The following RNF4 variants were observed in gnomAD, a reference collection of about 807,000 sequenced individuals.
RNF4 encodes the protein E3 ubiquitin-protein ligase RNF4.
A neutral mutation model predicts 24.3 loss-of-function variants in RNF4; 7 were observed. That is an observed-to-expected ratio of 0.29 (90% CI 0.16 to 0.54). The LOEUF is 0.54. RNF4 is among the 20% of genes least tolerant of loss of function. The pLI is 0.95. For missense variants in RNF4, 209 were observed against 248.5 expected, an observed-to-expected ratio of 0.84 and a Z score of 1.07; for synonymous variants, 83 against 84.3, an observed-to-expected ratio of 0.98 and a Z score of 0.09.
intron 4 of RNF4, among the ~76,000 whole-genome samples, chr4:2,508,344 A>G (rs1478328771): frequency 2.6e-5 from 4 of 152,192 alleles, no homozygotes; most frequent in Non-Finnish European, 4.4e-5. Flanking sequence ...GCATTTATGA[A>G]GCGCTGGTAC....
intron 1 of RNF4, among the ~76,000 whole-genome samples, chr4:2,474,668 C>T (rs189844494): frequency 9.9e-5 from 15 of 152,242 alleles, no homozygotes; most frequent in East Asian, 1.9e-4. Context: ...CAGCATTGCA[C>T]GCTACAGAGA....
chr4:2,508,106 C>CA (rs1414478051), intron 4 of RNF4, among the ~76,000 whole-genome samples: 5 of 152,166 alleles, frequency 3.3e-5, no homozygotes, highest in South Asian at 2.1e-4. Flanking sequence ...CTTGGCCTCC[C>CA]AGGGTGCTGG....
intron 4 of RNF4, among the ~76,000 whole-genome samples, chr4:2,502,510 CCT>C (rs1392274972): frequency 6.6e-6 from 1 of 151,974 alleles, no homozygotes; most frequent in Non-Finnish European, 1.5e-5. Context: ...ATGGTGAAAC[CCT>C]GTCTCTACTA....
intron 1 of RNF4, among the ~76,000 whole-genome samples, chr4:2,478,757 A>C (rs905985694): frequency 2.6e-5 from 4 of 152,186 alleles, no homozygotes; most frequent in Non-Finnish European, 5.9e-5. Context: ...GGGGCGGGAC[A>C]CTCATGGAGA....
At chr4:2,496,503 C>T (rs964009812) in intron 2 of RNF4, among the ~76,000 whole-genome samples, 9 of 152,076 alleles carry the variant, frequency 5.9e-5, no homozygotes, top group African/African-American at 2.2e-4. Flanking sequence ...CACTGTCACC[C>T]GGGCTAGAGT....
chr4:2,505,613 C>T (rs909341446), intron 4 of RNF4: 1 of 151,750 alleles, frequency 6.6e-6, no homozygotes, highest in East Asian at 1.9e-4. Context: ...GTGTGAGCCA[C>T]CGCGCCCGGC....
chr4:2,487,482 C>T (rs1040047297), intron 1 of RNF4, among the ~76,000 whole-genome samples: 3 of 152,144 alleles, frequency 2.0e-5, no homozygotes, highest in Admixed American at 2.0e-4. Flanking sequence ...GACGGGGTTT[C>T]GCCATGTTGG....
At chr4:2,508,244 G>A (rs1018271157) in intron 4 of RNF4, among the ~76,000 whole-genome samples, 1 of 152,110 alleles carries the variant, frequency 6.6e-6, no homozygotes, top group South Asian at 2.1e-4. Flanking sequence ...TTCAGTTTTG[G>A]TTTTTCACTT....
chr4:2,489,713 TCGCTGA>T (rs1435981107), intron 1 of RNF4: 1 of 152,228 alleles, frequency 6.6e-6, no homozygotes, highest in Non-Finnish European at 1.5e-5. Context: ...TAACCATGCG[TCGCTGA>T]CGCTGAGTTT....
chr4:2,500,583 T>G, intron 3 of RNF4, 76 bp from the exon 4 acceptor site: 2 of 1,437,866 alleles, frequency 1.4e-6, no homozygotes, highest in Non-Finnish European at 1.9e-6. Context: ...ACATTAGCAG[T>G]CATACTAAAG....
chr4:2,493,482 G>C (rs1036498986), intron 2 of RNF4, among the ~76,000 whole-genome samples: 3 of 152,032 alleles, frequency 2.0e-5, no homozygotes, highest in Admixed American at 2.0e-4. Flanking sequence ...GCAGTGCCTA[G>C]TAAGAAAGAC....
At chr4:2,492,369 G>T (rs1189067436) in intron 2 of RNF4, among the ~76,000 whole-genome samples, 4 of 152,146 alleles carry the variant, frequency 2.6e-5, no homozygotes, top group African/African-American at 9.7e-5. Context: ...CTCTGGTTTG[G>T]TGTAATTCAG....
chr4:2,503,908 G>C (rs1735990522), intron 4 of RNF4, among the ~76,000 whole-genome samples: 1 of 152,130 alleles, frequency 6.6e-6, no homozygotes, highest in Non-Finnish European at 1.5e-5. Flanking sequence ...TGGATACCAG[G>C]ATCCAGAGGT....
At chr4:2,473,814 A>G (rs1414093024) in intron 1 of RNF4, among the ~76,000 whole-genome samples, 1 of 152,102 alleles carries the variant, frequency 6.6e-6, no homozygotes, top group East Asian at 1.9e-4. Context: ...CTGTCTAGAA[A>G]AAAAAAAGTA....
At chr4:2,499,933 G>A (rs1158988571) in intron 3 of RNF4, among the ~76,000 whole-genome samples, 3 of 152,106 alleles carry the variant, frequency 2.0e-5, no homozygotes, top group Non-Finnish European at 4.4e-5. Context: ...GAAGTGGGTG[G>A]ATCACAAGGT....
chr4:2,506,189 CT>C (rs3216205), intron 4 of RNF4: 55,378 of 151,886 alleles, frequency 0.36, 11,890 homozygotes, highest in Admixed American at 0.55. Context: ...TTGTTGTTTT[CT>C]TTTTCCCCCC....
chr4:2,497,168 G>T, intron 3 of RNF4, 47 bp downstream of exon 3: 2 of 1,429,082 alleles, frequency 1.4e-6, no homozygotes, highest in Non-Finnish European at 1.9e-6. Flanking sequence ...AAAGTGGAGA[G>T]AGAACACTGT....
intron 1 of RNF4, among the ~76,000 whole-genome samples, chr4:2,484,067 T>TGGGCCCCC (rs113878655): frequency 7.5e-5 from 1 of 13,282 alleles, no homozygotes; most frequent in Admixed American, 7.0e-4. Flanking sequence ...CCTCAGGTGA[T>TGGGCCCCC]CCCCCCCCGC....
At chr4:2,499,632 C>T (rs182045698) in intron 3 of RNF4, among the ~76,000 whole-genome samples, 48 of 152,064 alleles carry the variant, frequency 3.2e-4, no homozygotes, top group Admixed American at 2.0e-3. Flanking sequence ...AATGGTTGTG[C>T]GTCATTTTTT....
Sources: gnomAD v4.1 joint callset for allele counts (sites outside exome capture counted in the v4.1 genomes callset) on GRCh38, gnomAD v4.1.1 for gene constraint, MANE v1.5 for transcripts, NCBI Gene and HGNC (gene_info 2026-07-23, HGNC 2026-07-21) for gene names.